FERMT2: variants seen among roughly 807,000 people sequenced by gnomAD.
FERMT2 encodes the protein fermitin family homolog 2.
A neutral mutation model predicts 82.7 loss-of-function variants in FERMT2; 15 were observed. That is an observed-to-expected ratio of 0.18 (90% confidence interval 0.12 to 0.28). FERMT2 has a LOEUF of 0.28. Among genes scored for constraint, FERMT2 ranks in the 10% least tolerant of loss-of-function variants. The pLI is 1.00. For missense variants in FERMT2, 645 were observed against 809.4 expected (o/e 0.80, Z 2.46); for synonymous variants, 274 against 271.5 (o/e 1.01, Z -0.09).
intron 12 of FERMT2, chr14:52,861,685 A>C (rs1884947926): frequency 6.6e-6 from 1 of 152,656 alleles, no homozygotes; most frequent in African/African-American, 2.4e-5. Flanking sequence ...ATTTCCATTT[A>C]GATTAACATA....
intron 3 of FERMT2, among the ~76,000 whole-genome samples, chr14:52,897,996 A>C (rs903170724): frequency 4.9e-5 from 7 of 142,222 alleles, no homozygotes; most frequent in African/African-American, 1.3e-4. Flanking sequence ...AAAAAAAAAC[A>C]ACCAAAAAAA....
intron 10 of FERMT2, among the ~76,000 whole-genome samples, chr14:52,870,494 C>G: frequency 6.6e-6 from 1 of 152,246 alleles, no homozygotes; most frequent in East Asian, 1.9e-4. Context: ...GATGATCCGC[C>G]GCCTCAGCCT....
At chr14:52,877,574 C>CTTTTTTCTTTTT (rs1886041963) in intron 7 of FERMT2, among the ~76,000 whole-genome samples, 1 of 67,062 alleles carries the variant, frequency 1.5e-5, no homozygotes, top group Non-Finnish European at 2.5e-5. Context: ...GCTGTTCTTG[C>CTTTTTTCTTTTT]TTTTTTTTTT....
chr14:52,878,042 T>C (rs1174191848), intron 7 of FERMT2, among the ~76,000 whole-genome samples: 3 of 152,168 alleles, frequency 2.0e-5, no homozygotes, highest in East Asian at 3.8e-4. Flanking sequence ...GAACCACATA[T>C]GAAAAAACTG....
intron 3 of FERMT2, among the ~76,000 whole-genome samples, chr14:52,894,597 G>A (rs1276335050): frequency 6.6e-6 from 1 of 151,956 alleles, no homozygotes; most frequent in East Asian, 1.9e-4. Context: ...ACAGAAGAGG[G>A]CCCCCAAAAC....
chr14:52,871,350 C>T (rs1885611585), intron 10 of FERMT2: 1 of 152,260 alleles, frequency 6.6e-6, no homozygotes, highest in African/African-American at 2.4e-5. Context: ...ACTGCATCAT[C>T]CAAAAGGCAT....
At chr14:52,945,218 A>G (rs1376644641) in intron 2 of FERMT2, among the ~76,000 whole-genome samples, 1 of 151,322 alleles carries the variant, frequency 6.6e-6, no homozygotes, top group East Asian at 1.9e-4. Flanking sequence ...GCCAATCCTC[A>G]ATTGTTCTAT....
intron 3 of FERMT2, among the ~76,000 whole-genome samples, chr14:52,913,619 T>C (rs1888448367): frequency 6.6e-6 from 1 of 151,678 alleles, no homozygotes; most frequent in African/African-American, 2.4e-5. Context: ...ATTTTGGAAA[T>C]GTCATAAGAT....
chr14:52,910,580 C>A (rs1888259426), intron 3 of FERMT2, among the ~76,000 whole-genome samples: 1 of 151,908 alleles, frequency 6.6e-6, no homozygotes, highest in Non-Finnish European at 1.5e-5. Flanking sequence ...TTAATTATTA[C>A]ACAGAAGCAC....
At chr14:52,909,463 G>A (rs1268260875) in intron 3 of FERMT2, among the ~76,000 whole-genome samples, 2 of 152,290 alleles carry the variant, frequency 1.3e-5, no homozygotes, top group South Asian at 2.1e-4. Flanking sequence ...ATGTGAAAAA[G>A]AAGGCTCTTA....
chr14:52,947,590 T>G (rs986548814), intron 2 of FERMT2, among the ~76,000 whole-genome samples: 7 of 152,204 alleles, frequency 4.6e-5, no homozygotes, highest in African/African-American at 1.7e-4. Flanking sequence ...AGTGTACACG[T>G]TATTTATAAT....
chr14:52,875,134 C>A (rs2140099557), intron 8 of FERMT2, 89 bp downstream of exon 8: 1 of 1,113,338 alleles, frequency 9.0e-7, no homozygotes, highest in Non-Finnish European at 1.3e-6. Flanking sequence ...TTTCTCTCCA[C>A]CACCCCCAAA....
intron 12 of FERMT2, chr14:52,861,046 A>C: frequency 6.7e-7 from 1 of 1,502,496 alleles, no homozygotes; most frequent in Non-Finnish European, 8.8e-7. Flanking sequence ...TGTAGATGGC[A>C]ATGCGAGGAA....
chr14:52,909,604 A>G (rs1888200318), intron 3 of FERMT2, among the ~76,000 whole-genome samples: 1 of 151,928 alleles, frequency 6.6e-6, no homozygotes. Context: ...CCTGGCCAAC[A>G]TGGCGAAATT....
intron 2 of FERMT2, among the ~76,000 whole-genome samples, chr14:52,939,390 A>C (rs1399076265): frequency 6.6e-6 from 1 of 150,848 alleles, no homozygotes; most frequent in Non-Finnish European, 1.5e-5. Context: ...AAAAAAAAAA[A>C]CAAAGAACTA....
intron 3 of FERMT2, among the ~76,000 whole-genome samples, chr14:52,917,271 C>T (rs1037048311): frequency 1.4e-5 from 2 of 147,544 alleles, no homozygotes; most frequent in Non-Finnish European, 3.0e-5. Flanking sequence ...CACAGAGATA[C>T]GTGTGTGTGT....
chr14:52,869,000 T>C (rs1250848491), intron 10 of FERMT2, among the ~76,000 whole-genome samples: 2 of 152,102 alleles, frequency 1.3e-5, no homozygotes, highest in Non-Finnish European at 2.9e-5. Flanking sequence ...ATTAATTCCA[T>C]GCCAGGACCT....
Position 52,950,592 on chromosome 14 carries a change from G to A in FERMT2, c.-9-15C>T, listed in dbSNP as rs369138397. On this transcript the variant is annotated splice_polypyrimidine_tract_variant and intron_variant, in intron 1 of 14. Transcript: ENST00000341590. ...ATGGCTCCTTCCTGCGAGCGCGGAG[G>A]AAATGGCTCTCGTAAGCGTCACTCC... is the stretch of plus-strand genomic sequence containing the variant. 9.4e-5 allele frequency: 152 copies of A among 1,609,684 alleles called. No individual in the cohort carries two copies. The African/African-American group carries it at 1.7e-3, about 18-fold the overall frequency.
At chr14:52,881,793 C>G (rs1392956387) in intron 4 of FERMT2, 33 of 1,308,908 alleles carry the variant, frequency 2.5e-5, no homozygotes, top group Non-Finnish European at 3.2e-5. Context: ...TGGCAAGGCT[C>G]ACCTTTCAGA....
Sources: allele counts gnomAD v4.1 joint callset (sites outside exome capture counted in the v4.1 genomes callset), GRCh38; gene constraint gnomAD v4.1.1; transcripts MANE v1.5; gene names NCBI Gene and HGNC (gene_info 2026-07-23, HGNC 2026-07-21).